BMP5: variants seen among roughly 807,000 people sequenced by gnomAD.
BMP5 encodes bone morphogenetic protein 5.
BMP5 carries 23 observed loss-of-function variants against 46.6 expected under a neutral mutation model. The ratio of observed to expected loss-of-function variants is 0.49; its 90% confidence interval spans 0.35 to 0.70. The LOEUF (loss-of-function observed/expected upper bound fraction) is 0.70, where lower values mean the gene tolerates loss of function less well. Ranked by LOEUF, BMP5 falls within the 30% of genes least tolerant of loss-of-function variation. The pLI, the probability that BMP5 is intolerant of heterozygous loss-of-function variation, is 0.00. For missense variants in BMP5, 545 were observed against 565.6 expected, an observed-to-expected ratio of 0.96 and a Z score of 0.37; for synonymous variants, 204 against 191.9, an observed-to-expected ratio of 1.06 and a Z score of -0.52.
At chr6:55,815,450 G>A (rs1582088171) in intron 2 of BMP5, among the ~76,000 whole-genome samples, 1 of 152,160 alleles carries the variant, frequency 6.6e-6, no homozygotes, top group East Asian at 1.9e-4. Flanking sequence ...GGCAGTGGAA[G>A]AGGATGCCAG....
At chr6:55,845,846 C>G (rs1777085180) in intron 1 of BMP5, among the ~76,000 whole-genome samples, 2 of 151,854 alleles carry the variant, frequency 1.3e-5, no homozygotes, top group Admixed American at 6.6e-5. Flanking sequence ...CTCCTTATTC[C>G]CATACTTTTA....
At chr6:55,807,256 T>C (rs1450958327) in intron 2 of BMP5, among the ~76,000 whole-genome samples, 1 of 152,222 alleles carries the variant, frequency 6.6e-6, no homozygotes, top group Non-Finnish European at 1.5e-5. Context: ...ATACCTAATT[T>C]ATTGAGAGTT....
chr6:55,815,987 A>T (rs960251093), intron 2 of BMP5, among the ~76,000 whole-genome samples: 1 of 152,118 alleles, frequency 6.6e-6, no homozygotes, highest in Non-Finnish European at 1.5e-5. Context: ...CAGTGGGCAT[A>T]CAGAAAAGAT....
At chr6:55,839,683 G>A (rs1280953460) in intron 1 of BMP5, among the ~76,000 whole-genome samples, 5 of 152,126 alleles carry the variant, frequency 3.3e-5, no homozygotes, top group Admixed American at 6.5e-5. Context: ...TTGGTGTACC[G>A]TAGGTTATAT....
At chr6:55,853,342 T>TTCTCTC (rs5876469) in intron 1 of BMP5, among the ~76,000 whole-genome samples, 3 of 129,366 alleles carry the variant, frequency 2.3e-5, no homozygotes, top group Non-Finnish European at 3.3e-5. Context: ...CTCCCCCGCT[T>TTCTCTC]TCTCTCTCTC....
intron 5 of BMP5, 66 bp from the exon 6 acceptor site, chr6:55,759,181 AAACAACAAG>A (rs1774700018): frequency 5.3e-6 from 4 of 751,048 alleles, no homozygotes; most frequent in African/African-American, 2.7e-5. Flanking sequence ...AAAAAAAAAA[AAACAACAAG>A]AAAAAATATC....
At position 55,853,210 on chromosome 6, in the gene BMP5, A is replaced by AATAAG. The variant is rs1166755443; in HGVS notation, c.490+21165_490+21166insCTTAT. 1.0e-4 allele frequency among the ~76,000 whole-genome samples: 10 copies of AATAAG among 96,482 alleles called. No homozygotes were observed. The East Asian group carries it at 2.4e-3, about 23-fold the overall frequency. The allele number at this position is 96,482 out of a possible 152,430, so 63.3% of individuals were successfully genotyped here. ...AATAAAATAAAATAAAATAAAATAA[A>AATAAG]ATAAAATAAGATAAAATACAATAAA... On this transcript the variant is annotated intron_variant, in intron 1 of 6. Coordinates refer to ENST00000370830, the MANE Select transcript of BMP5 (RefSeq NM_021073.4).
intron 1 of BMP5, among the ~76,000 whole-genome samples, chr6:55,862,632 A>G (rs1399866094): frequency 1.3e-5 from 2 of 152,196 alleles, no homozygotes; most frequent in Non-Finnish European, 2.9e-5. Context: ...TATTTCCTGA[A>G]TACAACACAA....
intron 1 of BMP5, among the ~76,000 whole-genome samples, chr6:55,829,844 A>AT (rs1776624493): frequency 1.3e-5 from 2 of 151,880 alleles, no homozygotes; most frequent in Non-Finnish European, 1.5e-5. Flanking sequence ...ATTCTCATTG[A>AT]TTTTTTCTTA....
At chr6:55,828,447 G>A (rs1776581990) in intron 1 of BMP5, among the ~76,000 whole-genome samples, 2 of 151,714 alleles carry the variant, frequency 1.3e-5, no homozygotes, top group Non-Finnish European at 1.5e-5. Flanking sequence ...TCTTAGCCTA[G>A]CTTGAAATCC....
intron 2 of BMP5, among the ~76,000 whole-genome samples, chr6:55,808,584 C>T (rs765327891): frequency 2.4e-4 from 37 of 152,166 alleles, no homozygotes; most frequent in Non-Finnish European, 4.9e-4. Flanking sequence ...TGGTTGGGAC[C>T]CTAGGCACTG....
At chr6:55,837,104 T>C (rs775022785) in intron 1 of BMP5, among the ~76,000 whole-genome samples, 1 of 151,524 alleles carries the variant, frequency 6.6e-6, no homozygotes, top group Non-Finnish European at 1.5e-5. Context: ...TAGGCTGGAG[T>C]GCAGTGGCGC....
At chr6:55,823,528 T>G (rs190438045) in intron 1 of BMP5, among the ~76,000 whole-genome samples, 2 of 152,026 alleles carry the variant, frequency 1.3e-5, no homozygotes, top group Non-Finnish European at 2.9e-5. Context: ...TCCACTAGTT[T>G]TATAACTTGT....
chr6:55,774,315 G>A, intron 3 of BMP5, 72 bp from the exon 4 acceptor site: 7 of 1,454,192 alleles, frequency 4.8e-6, no homozygotes, highest in Non-Finnish European at 6.7e-6. Context: ...TGAATTCTGA[G>A]GGTACTTTGA....
chr6:55,806,710 G>A (rs930058959), intron 2 of BMP5, among the ~76,000 whole-genome samples: 2 of 152,114 alleles, frequency 1.3e-5, no homozygotes, highest in African/African-American at 2.4e-5. Context: ...AGAATAGAAT[G>A]TTTTTCCATT....
At chr6:55,819,425 A>G (rs1270208293) in intron 2 of BMP5, among the ~76,000 whole-genome samples, 1 of 152,160 alleles carries the variant, frequency 6.6e-6, no homozygotes, top group Non-Finnish European at 1.5e-5. Flanking sequence ...TAGAAGCATG[A>G]GACTATTTAG....
At chr6:55,838,578 T>C (rs1028005232) in intron 1 of BMP5, among the ~76,000 whole-genome samples, 5 of 152,194 alleles carry the variant, frequency 3.3e-5, no homozygotes, top group Non-Finnish European at 7.3e-5. Flanking sequence ...AAATATTTTC[T>C]CCCACTCCAT....
Position 55,848,299 on chromosome 6 carries a change from A to G in BMP5, c.490+26077T>C, listed in dbSNP as rs139379921. ...ACTTTGGTATAATCATTCAAAAGCC[A>G]AAAGAATGCAAATTTGTAAACAAAG... On this transcript the variant is annotated intron_variant, in intron 1 of 6. Transcript: ENST00000370830. Among the ~76,000 whole-genome samples, 549 of 152,122 alleles carry G rather than the reference A, an allele frequency of 3.6e-3. 5 individuals are homozygous for G. Among genetic ancestry groups the G allele is most frequent in the African/African-American group, 0.012 (518 of 41,550 alleles).
intron 4 of BMP5, among the ~76,000 whole-genome samples, chr6:55,765,198 A>G (rs1413708066): frequency 6.6e-6 from 1 of 152,198 alleles, no homozygotes; most frequent in Non-Finnish European, 1.5e-5. Context: ...TGTGAACTGG[A>G]CAAAGACAAT....
Sources: allele counts gnomAD v4.1 joint callset (sites outside exome capture counted in the v4.1 genomes callset), GRCh38; gene constraint gnomAD v4.1.1; transcripts MANE v1.5; gene names NCBI Gene and HGNC (gene_info 2026-07-23, HGNC 2026-07-21).